DACH1: variants seen among roughly 807,000 people sequenced by gnomAD.
The protein encoded by DACH1 is dachshund family transcription factor 1, also known as dachshund homolog 1.
A neutral mutation model predicts 54.2 loss-of-function variants in DACH1; 12 were observed. That is an observed-to-expected ratio of 0.22 (90% CI 0.14 to 0.36). The LOEUF is 0.36. Among genes scored for constraint, DACH1 ranks in the 10% least tolerant of loss-of-function variants. The probability of loss-of-function intolerance (pLI) is 1.00; values close to 1 mark genes in which losing one functional copy is unlikely to be tolerated. For synonymous variants in DACH1, 386 were observed against 366.2 expected, an observed-to-expected ratio of 1.05 and a Z score of -0.62; for missense variants, 805 against 929.8, an observed-to-expected ratio of 0.87 and a Z score of 1.75.
intron 6 of DACH1, among the ~76,000 whole-genome samples, chr13:71,497,901 C>G (rs1055783021): frequency 8.2e-5 from 12 of 146,976 alleles, no homozygotes; most frequent in South Asian, 4.4e-4. Context: ...CACACACACA[C>G]AGATACACAG....
chr13:71,631,470 C>T (rs867292331), intron 2 of DACH1, among the ~76,000 whole-genome samples: 20 of 152,230 alleles, frequency 1.3e-4, no homozygotes, highest in Middle Eastern at 3.4e-3. Context: ...TACTCAATGG[C>T]AGGAAGCATG....
At chr13:71,550,527 T>C (rs1018311922) in intron 6 of DACH1, among the ~76,000 whole-genome samples, 8 of 152,108 alleles carry the variant, frequency 5.3e-5, no homozygotes, top group African/African-American at 1.9e-4. Flanking sequence ...AAAAAGTAAA[T>C]AAATATTATA....
intron 1 of DACH1, among the ~76,000 whole-genome samples, chr13:71,842,467 A>C (rs578186777): frequency 2.0e-5 from 3 of 151,968 alleles, no homozygotes; most frequent in Non-Finnish European, 4.4e-5. Flanking sequence ...AGTCCCAGCT[A>C]CTCAGAAGGC....
chr13:71,791,943 C>T (rs1336779450), intron 1 of DACH1, among the ~76,000 whole-genome samples: 1 of 152,130 alleles, frequency 6.6e-6, no homozygotes, highest in Non-Finnish European at 1.5e-5. Context: ...CCAAAGCCAC[C>T]TCAGCAACCC....
chr13:71,603,651 T>C (rs2138498004), intron 3 of DACH1, among the ~76,000 whole-genome samples: 2 of 152,110 alleles, frequency 1.3e-5, no homozygotes, highest in Middle Eastern at 6.8e-3. Flanking sequence ...GTCTAGTTTA[T>C]ACAAATAACG....
chr13:71,616,892 T>A (rs2138531042), intron 3 of DACH1, among the ~76,000 whole-genome samples: 1 of 151,820 alleles, frequency 6.6e-6, no homozygotes, highest in South Asian at 2.1e-4. Context: ...TTTTTTTTTT[T>A]TTTTCTGAGA....
chr13:71,578,451 C>G (rs1885671647), intron 3 of DACH1, among the ~76,000 whole-genome samples: 2 of 152,102 alleles, frequency 1.3e-5, no homozygotes, highest in African/African-American at 4.8e-5. Flanking sequence ...AAGTTATTAT[C>G]TTTTAGTGGA....
chr13:71,635,710 G>T (rs1194705861), intron 2 of DACH1, among the ~76,000 whole-genome samples: 1 of 151,982 alleles, frequency 6.6e-6, no homozygotes, highest in East Asian at 1.9e-4. Context: ...GGAAATTTTT[G>T]CTACCCTCCC....
chr13:71,585,697 C>T (rs1317091386), intron 3 of DACH1, among the ~76,000 whole-genome samples: 2 of 151,992 alleles, frequency 1.3e-5, no homozygotes, highest in African/African-American at 2.4e-5. Context: ...TATGAAAGTT[C>T]TCAGATGTCA....
intron 2 of DACH1, among the ~76,000 whole-genome samples, chr13:71,674,873 G>A (rs1880455043): frequency 1.3e-5 from 2 of 151,998 alleles, no homozygotes; most frequent in South Asian, 2.1e-4. Context: ...TAGGTTAAAT[G>A]TGCTATCCTC....
Position 71,866,742 on chromosome 13 carries a change from G to C in DACH1, c.28C>G (p.Pro10Ala), listed in dbSNP as rs573485179. MAVPAALIP[P>A]TQLVPPQPPI... ...GGTTGAGGGGGGACCAGCTGGGTCG[G>C]AGGGATCAAAGCCGCCGGCACTGCC... Residue 10 changes from proline (P) to alanine (A), a missense_variant, in exon 1 of 11, where the codon CCG becomes GCG. Around this residue, in one of 3 missense-constraint regions of DACH1, gnomAD observed 305 missense variants for 308.7 expected, o/e 0.99. Coordinates refer to ENST00000613252, the MANE Select transcript of DACH1 (RefSeq NM_080759.6). 9 of 1,421,924 alleles carry C rather than the reference G, an allele frequency of 6.3e-6. No homozygotes were observed. Among genetic ancestry groups the C allele is most frequent in the African/African-American group, 4.4e-5 (3 of 68,218 alleles). 88.1% of individuals were successfully genotyped at this position (1,421,924 alleles called of 1,614,324 possible). A position where few individuals can be genotyped will look rare whatever the true frequency, so the allele number is the denominator to read the frequency against.
intron 1 of DACH1, among the ~76,000 whole-genome samples, chr13:71,864,583 T>C (rs1252204276): frequency 6.6e-6 from 1 of 152,212 alleles, no homozygotes; most frequent in Non-Finnish European, 1.5e-5. Flanking sequence ...AGTTCCCACG[T>C]GCCCGCTTCA....
chr13:71,769,739 T>A (rs1383702052), intron 1 of DACH1, among the ~76,000 whole-genome samples: 1 of 151,702 alleles, frequency 6.6e-6, no homozygotes, highest in Non-Finnish European at 1.5e-5. Context: ...TAATTTCAAC[T>A]TTTTAGAACA....
chr13:71,776,996 T>G (rs1290642056), intron 1 of DACH1, among the ~76,000 whole-genome samples: 1 of 152,178 alleles, frequency 6.6e-6, no homozygotes, highest in Non-Finnish European at 1.5e-5. Flanking sequence ...CAAAGCACTC[T>G]AGGCCTATTC....
chr13:71,618,119 T>C (rs1417001621), intron 3 of DACH1, among the ~76,000 whole-genome samples: 1 of 152,104 alleles, frequency 6.6e-6, no homozygotes, highest in Non-Finnish European at 1.5e-5. Flanking sequence ...GGAAATAAAA[T>C]ATGTAATTTC....
At chr13:71,845,336 A>G (rs1055406474) in intron 1 of DACH1, among the ~76,000 whole-genome samples, 1 of 152,228 alleles carries the variant, frequency 6.6e-6, no homozygotes, top group Non-Finnish European at 1.5e-5. Context: ...AAAGTGTGCC[A>G]ATATGAAAAA....
chr13:71,494,049 C>T (rs531904631), intron 6 of DACH1, among the ~76,000 whole-genome samples: 1 of 152,220 alleles, frequency 6.6e-6, no homozygotes, highest in South Asian at 2.1e-4. Context: ...GATGGCAAAT[C>T]AGATGCAGCA....
intron 6 of DACH1, among the ~76,000 whole-genome samples, chr13:71,523,625 C>T (rs1322579715): frequency 1.3e-5 from 2 of 152,078 alleles, no homozygotes; most frequent in African/African-American, 2.4e-5. Flanking sequence ...AGTGATTTTT[C>T]TCCTACAAGA....
intron 3 of DACH1, among the ~76,000 whole-genome samples, chr13:71,622,003 T>A (rs1316175314): frequency 6.6e-6 from 1 of 152,054 alleles, no homozygotes; most frequent in Non-Finnish European, 1.5e-5. Flanking sequence ...TTCCAAATTA[T>A]CTGGGTTCAT....
Sources: allele counts gnomAD v4.1 joint callset (sites outside exome capture counted in the v4.1 genomes callset), GRCh38; gene constraint gnomAD v4.1.1; regional missense constraint gnomAD v4.1.1; transcripts MANE v1.5; gene names NCBI Gene and HGNC (gene_info 2026-07-23, HGNC 2026-07-21).